Variants in CTNNA2 observed in about 807,000 individuals in gnomAD.
CTNNA2 encodes the protein catenin alpha 2, also known as catenin alpha-2.
Under a neutral mutation model 101.0 loss-of-function variants are expected in CTNNA2, and 42 were observed. The observed-to-expected ratio is 0.42, with a 90% confidence interval of 0.32 to 0.54. The LOEUF (loss-of-function observed/expected upper bound fraction) is 0.54, where lower values mean the gene tolerates loss of function less well. Ranked by LOEUF, CTNNA2 falls within the 20% of genes least tolerant of loss-of-function variation. CTNNA2 has a pLI of 0.14. For synonymous variants in CTNNA2, 450 were observed against 456.4 expected (o/e 0.99, Z 0.18); for missense variants, 871 against 1,223.1 (o/e 0.71, Z 4.29).
At chr2:80,224,081 C>CACA (rs1708730532) in intron 7 of CTNNA2, among the ~76,000 whole-genome samples, 1 of 152,178 alleles carries the variant, frequency 6.6e-6, no homozygotes, top group African/African-American at 2.4e-5. Context: ...ATGACTTGTT[C>CACA]TAGCCCTCTT....
chr2:80,249,302 G>A (rs1671575300), intron 7 of CTNNA2, among the ~76,000 whole-genome samples: 1 of 152,172 alleles, frequency 6.6e-6, no homozygotes, highest in Admixed American at 6.5e-5. Flanking sequence ...AGGGCATTCA[G>A]GTGGATTACT....
chr2:79,365,364 T>G (rs1677722684), intron 3 of CTNNA2, among the ~76,000 whole-genome samples: 1 of 152,148 alleles, frequency 6.6e-6, no homozygotes. Flanking sequence ...GTCTCACACC[T>G]GTAATCCCAG....
intron 1 of CTNNA2, among the ~76,000 whole-genome samples, chr2:79,192,912 A>G (rs1368721689): frequency 6.6e-6 from 1 of 152,110 alleles, no homozygotes; most frequent in African/African-American, 2.4e-5. Context: ...TTAAAGAAAT[A>G]GAACTCTAAC....
At chr2:79,613,368 G>A (rs1265266633) in intron 1 of CTNNA2, among the ~76,000 whole-genome samples, 1 of 145,638 alleles carries the variant, frequency 6.9e-6, no homozygotes, top group African/African-American at 2.5e-5. Context: ...TTTTTTTCTT[G>A]AAATAGGAAG....
chr2:79,495,991 A>G lies in CTNNA2; in HGVS notation c.-134-9063A>G, dbSNP rs572807883. On this transcript the variant is annotated intron_variant, in intron 4 of 21. Transcript: ENST00000466387. ...GGGGCGATTAATGGTTTGAGGGAGGAGGGAATAAGAAGAATGACAAATGAC... is the reference window on the plus strand; with the variant it reads ...GGGGCGATTAATGGTTTGAGGGAGGGGGGAATAAGAAGAATGACAAATGAC... 3.7e-3 allele frequency among the ~76,000 whole-genome samples: 560 copies of G among 152,176 alleles called. 3 individuals carry two copies. The highest frequency in any genetic ancestry group is 0.013 in the African/African-American group (531 of 41,528).
At chr2:79,342,711 A>T (rs1376985176) in intron 3 of CTNNA2, among the ~76,000 whole-genome samples, 1 of 152,202 alleles carries the variant, frequency 6.6e-6, no homozygotes, top group African/African-American at 2.4e-5. Context: ...TGGTGCTAAC[A>T]ATTGCAAATG....
chr2:79,643,751 C>A (rs1680610387), intron 1 of CTNNA2, among the ~76,000 whole-genome samples: 1 of 152,044 alleles, frequency 6.6e-6, no homozygotes, highest in Non-Finnish European at 1.5e-5. Context: ...GGGGAAGAAT[C>A]CACTTCTCAC....
chr2:79,812,611 A>G (rs1327593537), intron 3 of CTNNA2, among the ~76,000 whole-genome samples: 18 of 152,186 alleles, frequency 1.2e-4, no homozygotes, highest in Admixed American at 9.8e-4. Flanking sequence ...ACATTTCTCT[A>G]ACCTTGTCAT....
At chr2:79,668,246 CAAAAAAAAAAA>C (rs34348942) in intron 2 of CTNNA2, among the ~76,000 whole-genome samples, 13 of 69,306 alleles carry the variant, frequency 1.9e-4, no homozygotes, top group African/African-American at 6.2e-4. Flanking sequence ...GACTCCGTCT[CAAAAAAAAAAA>C]AAAAAAAAAA....
At chr2:79,914,848 A>G (rs189690959) in intron 7 of CTNNA2, among the ~76,000 whole-genome samples, 57 of 152,074 alleles carry the variant, frequency 3.7e-4, no homozygotes, top group African/African-American at 1.4e-3. Flanking sequence ...CCATTAATAT[A>G]TAGAAGGTAT....
chr2:79,445,613 C>G (rs1341924938), intron 4 of CTNNA2, among the ~76,000 whole-genome samples: 1 of 152,070 alleles, frequency 6.6e-6, no homozygotes, highest in Non-Finnish European at 1.5e-5. Flanking sequence ...ACCTAATCAC[C>G]TGTTGATTAG....
chr2:80,574,373 C>A (rs2149703397), intron 13 of CTNNA2, 59 bp downstream of exon 13: 4 of 1,471,934 alleles, frequency 2.7e-6, no homozygotes, highest in Non-Finnish European at 3.6e-6. Flanking sequence ...AACTAAAGAG[C>A]TAACTGTCTT....
intron 14 of CTNNA2, among the ~76,000 whole-genome samples, chr2:80,588,844 C>T (rs752920079): frequency 6.6e-6 from 1 of 152,160 alleles, no homozygotes; most frequent in African/African-American, 2.4e-5. Context: ...TCCTCCCCCA[C>T]TTGGATGCTC....
intron 1 of CTNNA2, among the ~76,000 whole-genome samples, chr2:79,640,407 G>C (rs1680373543): frequency 6.6e-6 from 1 of 152,072 alleles, no homozygotes; most frequent in South Asian, 2.1e-4. Context: ...AATATCACTA[G>C]TCTTAAAGTT....
At chr2:79,977,204 G>A (rs985168714) in intron 7 of CTNNA2, among the ~76,000 whole-genome samples, 5 of 145,724 alleles carry the variant, frequency 3.4e-5, no homozygotes, top group Middle Eastern at 3.6e-3. Context: ...ACACACACAC[G>A]TGCACATGCA....
intron 9 of CTNNA2, among the ~76,000 whole-genome samples, chr2:80,542,297 G>T (rs989355241): frequency 2.2e-4 from 33 of 152,018 alleles, no homozygotes; most frequent in African/African-American, 8.0e-4. Context: ...GGACACAAAT[G>T]AGATCTATGT....
intron 7 of CTNNA2, among the ~76,000 whole-genome samples, chr2:79,961,569 T>A (rs886666094): frequency 2.0e-5 from 3 of 152,126 alleles, no homozygotes; most frequent in African/African-American, 4.8e-5. Context: ...ACGCCTGTAA[T>A]CCCAGCAGTT....
chr2:80,451,621 T>C (rs1334886643), intron 9 of CTNNA2, among the ~76,000 whole-genome samples: 1 of 152,218 alleles, frequency 6.6e-6, no homozygotes, highest in East Asian at 1.9e-4. Flanking sequence ...AATCACTGCA[T>C]CAGGACTTGA....
At position 79,488,274 on chromosome 2, in the gene CTNNA2, C is replaced by T. The variant is rs144487315; in HGVS notation, c.-134-16780C>T. 2.0e-3 allele frequency among the ~76,000 whole-genome samples: 294 copies of T among 143,948 alleles called. 2 individuals carry two copies. Among genetic ancestry groups the T allele is most frequent in the African/African-American group, 7.0e-3 (280 of 39,830 alleles). The allele number at this position is 143,948 out of a possible 152,430, so 94.4% of individuals were successfully genotyped here. A position where few individuals can be genotyped will look rare whatever the true frequency, so the allele number is the denominator to read the frequency against. On this transcript the variant is annotated intron_variant, in intron 4 of 21. Transcript: ENST00000466387. ...CAGTGTTTGTGGTGAGCTGAGATTG[C>T]GCCATTGAACTCCAGCCTGGGCAAC... is the stretch of plus-strand genomic sequence containing the variant.
Sources: gnomAD v4.1 joint callset for allele counts (sites outside exome capture counted in the v4.1 genomes callset) on GRCh38, gnomAD v4.1.1 for gene constraint, MANE v1.5 for transcripts, NCBI Gene and HGNC (gene_info 2026-07-23, HGNC 2026-07-21) for gene names.